Variants in TRHDE observed in about 807,000 individuals in gnomAD.
TRHDE encodes thyrotropin-releasing hormone-degrading ectoenzyme.
Under a neutral mutation model 125.7 loss-of-function variants are expected in TRHDE, and 72 were observed. That is an observed-to-expected ratio of 0.57 (90% CI 0.47 to 0.70). The LOEUF is 0.70. TRHDE is among the 30% of genes least tolerant of loss of function. TRHDE has a pLI of 0.00. For synonymous variants in TRHDE, 509 were observed against 509.1 expected, an observed-to-expected ratio of 1.00 and a Z score of 0.00; for missense variants, 1,110 against 1,327.1, an observed-to-expected ratio of 0.84 and a Z score of 2.54.
Position 72,342,341 on chromosome 12 carries a change from T to G in TRHDE, c.1189-35654T>G, listed in dbSNP as rs145445650. On this transcript the variant is annotated intron_variant, in intron 2 of 18. Coordinates refer to ENST00000261180, the MANE Select transcript of TRHDE (RefSeq NM_013381.3). ...TAGTTCTCGTCTAATCATTTCTTTT[T>G]AAATGTGTACTCCAAACTAATTTTC... Among the ~76,000 whole-genome samples the G allele has an allele frequency of 8.4e-4, 128 of 152,272 alleles. 1 individual carries two copies. The East Asian group carries it at 0.023, about 28-fold the overall frequency.
At chr12:72,229,956 CAT>C (rs1878214671) in intron 2 of TRHDE, among the ~76,000 whole-genome samples, 1 of 152,088 alleles carries the variant, frequency 6.6e-6, no homozygotes, top group Non-Finnish European at 1.5e-5. Context: ...TTTTAAGAGA[CAT>C]GGGAAAATAA....
At chr12:72,160,772 C>A (rs989870980) in intron 2 of TRHDE, among the ~76,000 whole-genome samples, 3 of 152,032 alleles carry the variant, frequency 2.0e-5, no homozygotes, top group African/African-American at 7.2e-5. Flanking sequence ...GTCTGAGAAC[C>A]AATGGTTTAG....
chr12:72,188,958 C>T (rs1877284579), intron 2 of TRHDE, among the ~76,000 whole-genome samples: 1 of 152,286 alleles, frequency 6.6e-6, no homozygotes, highest in African/African-American at 2.4e-5. Context: ...TGGAGACAGA[C>T]CTGCCATTTA....
upstream of TRHDE, chr12:72,272,263 G>A (rs1879250255): frequency 2.7e-6 from 1 of 367,090 alleles, no homozygotes; most frequent in South Asian, 2.0e-5. The surrounding 1 kb of genome is among the most constrained non-coding windows in gnomAD (Gnocchi z 6.7). Context: ...CGGTTGGAAG[G>A]CTCCCGCGGA....
chr12:72,544,258 A>C (rs953010449), intron 7 of TRHDE, among the ~76,000 whole-genome samples: 66 of 151,484 alleles, frequency 4.4e-4, no homozygotes, highest in African/African-American at 1.6e-3. Flanking sequence ...TATGGGATAC[A>C]TTTTGGAGTT....
chr12:72,589,021 A>G (rs1024217036), intron 12 of TRHDE, among the ~76,000 whole-genome samples: 2 of 152,142 alleles, frequency 1.3e-5, no homozygotes, highest in African/African-American at 4.8e-5. Context: ...TCATTATTCA[A>G]TTACCTCGCA....
chr12:72,645,026 A>G (rs1240757963), intron 15 of TRHDE, among the ~76,000 whole-genome samples: 4 of 152,220 alleles, frequency 2.6e-5, no homozygotes, highest in African/African-American at 4.8e-5. Context: ...CTTCTTCTGT[A>G]CAAGGCCAGT....
At chr12:72,662,960 T>C in intron 18 of TRHDE, 92 bp from the exon 19 acceptor site, 1 of 1,339,894 alleles carries the variant, frequency 7.5e-7, no homozygotes, top group African/African-American at 1.5e-5. Flanking sequence ...ATATTGTTTT[T>C]TAATGTTTCA....
At chr12:72,610,148 ATTAT>A (rs938577528) in intron 12 of TRHDE, among the ~76,000 whole-genome samples, 1 of 152,188 alleles carries the variant, frequency 6.6e-6, no homozygotes, top group Admixed American at 6.5e-5. Flanking sequence ...CATTATTGAA[ATTAT>A]TTATCCGTGA....
intron 2 of TRHDE, among the ~76,000 whole-genome samples, chr12:72,127,195 A>G (rs1041495341): frequency 6.6e-6 from 1 of 152,224 alleles, no homozygotes; most frequent in Non-Finnish European, 1.5e-5. Context: ...AAAATAACAG[A>G]TGCTGGTAAA....
chr12:72,559,384 TAGTGAATG>T (rs968580914), intron 7 of TRHDE, among the ~76,000 whole-genome samples: 2 of 152,212 alleles, frequency 1.3e-5, no homozygotes, highest in Non-Finnish European at 2.9e-5. Flanking sequence ...CTCATATAGC[TAGTGAATG>T]TTGGACCTTG....
intron 3 of TRHDE, among the ~76,000 whole-genome samples, chr12:72,379,416 C>A (rs1872045070): frequency 6.6e-6 from 1 of 152,156 alleles, no homozygotes; most frequent in Non-Finnish European, 1.5e-5. Flanking sequence ...CTGTTAGAAT[C>A]TGTTATACTT....
intron 2 of TRHDE, among the ~76,000 whole-genome samples, chr12:72,340,164 G>C (rs929579424): frequency 6.6e-6 from 1 of 152,132 alleles, no homozygotes; most frequent in Non-Finnish European, 1.5e-5. Context: ...TCACCTGGGA[G>C]TATGGGAACT....
chr12:72,379,868 T>C (rs918650871), intron 3 of TRHDE, among the ~76,000 whole-genome samples: 5 of 152,220 alleles, frequency 3.3e-5, no homozygotes, highest in African/African-American at 1.2e-4. Flanking sequence ...CCACAGCCCA[T>C]GGTGCTTTGT....
chr12:72,116,254 C>G (rs1234585756), intron 2 of TRHDE, among the ~76,000 whole-genome samples: 1 of 152,128 alleles, frequency 6.6e-6, no homozygotes, highest in East Asian at 1.9e-4. Flanking sequence ...TTTATCAAGT[C>G]TATCATTGAT....
At chr12:72,235,653 T>G (rs1878325639) in intron 2 of TRHDE, among the ~76,000 whole-genome samples, 1 of 152,218 alleles carries the variant, frequency 6.6e-6, no homozygotes, top group Non-Finnish European at 1.5e-5. Flanking sequence ...TTCAGATGGC[T>G]TTCAGTCCAG....
intron 2 of TRHDE, among the ~76,000 whole-genome samples, chr12:72,191,596 T>C (rs1877341843): frequency 6.6e-6 from 1 of 152,164 alleles, no homozygotes; most frequent in Non-Finnish European, 1.5e-5. Context: ...TTTTAACATG[T>C]GGAAATTTGA....
chr12:72,371,530 A>C (rs966780550), intron 2 of TRHDE, among the ~76,000 whole-genome samples: 2 of 151,392 alleles, frequency 1.3e-5, no homozygotes, highest in African/African-American at 2.4e-5. Flanking sequence ...TCCTAATGCT[A>C]TCCTTCCCCC....
intron 2 of TRHDE, among the ~76,000 whole-genome samples, chr12:72,245,774 T>C (rs192812085): frequency 9.7e-4 from 147 of 152,122 alleles, no homozygotes; most frequent in African/African-American, 3.4e-3. Flanking sequence ...TACACACACA[T>C]ATATATATAC....
Sources: allele counts gnomAD v4.1 joint callset (sites outside exome capture counted in the v4.1 genomes callset), GRCh38; gene constraint gnomAD v4.1.1; non-coding constraint Gnocchi (gnomAD v3.1); transcripts MANE v1.5; gene names NCBI Gene and HGNC (gene_info 2026-07-23, HGNC 2026-07-21).